The following ADAMTS16 variants were observed in gnomAD, a reference collection of about 807,000 sequenced individuals.
ADAMTS16 encodes the protein ADAM metallopeptidase with thrombospondin type 1 motif 16.
In ADAMTS16, 94 loss-of-function variants were observed where a neutral mutation model predicts 145.8. That is an observed-to-expected ratio of 0.64 (90% CI 0.55 to 0.77). ADAMTS16 has a LOEUF of 0.77. Among genes scored for constraint, ADAMTS16 ranks in the 30% least tolerant of loss-of-function variants. The pLI is 0.00. For missense variants in ADAMTS16, 1,585 were observed against 1,591.5 expected (o/e 1.00, Z 0.07); for synonymous variants, 659 against 604.3 (o/e 1.09, Z -1.33).
intron 3 of ADAMTS16, among the ~76,000 whole-genome samples, chr5:5,170,646 G>A (rs1735019604): frequency 6.6e-6 from 1 of 152,114 alleles, no homozygotes; most frequent in Non-Finnish European, 1.5e-5. Context: ...CCAAAGTGCT[G>A]GGATTACAAG....
intron 3 of ADAMTS16, among the ~76,000 whole-genome samples, chr5:5,162,698 G>A (rs1335882360): frequency 1.3e-5 from 2 of 151,908 alleles, no homozygotes; most frequent in South Asian, 4.2e-4. Flanking sequence ...ATGATTATAT[G>A]ATTGAGTGAT....
At chr5:5,312,698 T>C (rs1014878932) in intron 21 of ADAMTS16, among the ~76,000 whole-genome samples, 6 of 152,214 alleles carry the variant, frequency 3.9e-5, no homozygotes, top group Admixed American at 1.3e-4. Context: ...GAGAAGTGGA[T>C]TCGCCCACTT....
At chr5:5,166,167 AT>A (rs1456784531) in intron 3 of ADAMTS16, among the ~76,000 whole-genome samples, 1 of 151,960 alleles carries the variant, frequency 6.6e-6, no homozygotes, top group East Asian at 1.9e-4. Context: ...ATAGTTATGG[AT>A]TTATCCTCTA....
At chr5:5,245,494 C>A (rs1386418512) in intron 17 of ADAMTS16, among the ~76,000 whole-genome samples, 1 of 152,160 alleles carries the variant, frequency 6.6e-6, no homozygotes, top group Admixed American at 6.5e-5. Context: ...CTCTTATCTG[C>A]ATATTGTATA....
intron 3 of ADAMTS16, among the ~76,000 whole-genome samples, chr5:5,175,609 G>T (rs1291571862): frequency 6.6e-6 from 1 of 152,180 alleles, no homozygotes; most frequent in Non-Finnish European, 1.5e-5. Flanking sequence ...GGCCTAGACT[G>T]CCTTTCAGGT....
chr5:5,140,429 G>A lies in ADAMTS16; in HGVS notation c.-39G>A. 1 of 1,488,724 alleles carries A rather than the reference G, an allele frequency of 6.7e-7. No individual in the cohort carries two copies. The highest frequency in any genetic ancestry group is 8.9e-7 in the Non-Finnish European group (1 of 1,127,196). 92.2% of individuals were successfully genotyped at this position (1,488,724 alleles called of 1,614,324 possible). ...GCCCGCTCGCACGCTGCCGGCCGGG[G>A]ACCCTCCGGTGGCCCCTAGCCCCTC... On this transcript the variant is annotated 5_prime_UTR_variant, in exon 1 of 23. Coordinates refer to ENST00000274181, the MANE Select transcript of ADAMTS16 (RefSeq NM_139056.4).
intron 3 of ADAMTS16, among the ~76,000 whole-genome samples, chr5:5,163,851 T>G (rs1734798830): frequency 6.6e-6 from 1 of 152,194 alleles, no homozygotes; most frequent in South Asian, 2.1e-4. Context: ...AACACCATGC[T>G]TTCCTGCAGA....
At chr5:5,158,357 T>C (rs1317322225) in intron 3 of ADAMTS16, among the ~76,000 whole-genome samples, 4 of 152,088 alleles carry the variant, frequency 2.6e-5, no homozygotes, top group Admixed American at 1.3e-4. Flanking sequence ...GATGAATAAG[T>C]TGATGGATGG....
chr5:5,189,232 G>A (rs569311195), intron 6 of ADAMTS16, among the ~76,000 whole-genome samples: 1 of 152,270 alleles, frequency 6.6e-6, no homozygotes, highest in South Asian at 2.1e-4. Flanking sequence ...AGAGCATGCC[G>A]GTGAATAAGG....
At chr5:5,268,841 A>C (rs1738357363) in intron 18 of ADAMTS16, among the ~76,000 whole-genome samples, 1 of 152,126 alleles carries the variant, frequency 6.6e-6, no homozygotes, top group Non-Finnish European at 1.5e-5. Flanking sequence ...GCAGCCCCTC[A>C]GGCAGGGGTC....
At chr5:5,238,595 T>C (rs970736286) in intron 14 of ADAMTS16, among the ~76,000 whole-genome samples, 1 of 152,318 alleles carries the variant, frequency 6.6e-6, no homozygotes, top group Middle Eastern at 3.4e-3. Context: ...AATGGATTTT[T>C]TTTGTACATA....
chr5:5,306,641 C>G lies in ADAMTS16; in HGVS notation c.3324C>G (p.Ala1108=). The G allele has an allele frequency of 1.2e-6, 2 of 1,614,170 alleles. No individual in the cohort carries two copies. The highest frequency in any genetic ancestry group is 1.7e-6 in the Non-Finnish European group (2 of 1,180,034). ...AGCCCAGCCTGGAGCTGGAACGTGC[C>G]TGCGCCCCGCTTCCATGCCCCAGGC... The part of the protein sequence containing the change: ...LPKPSLELER[A]CAPLPCPRHP... Residue 1108 remains alanine (A), a synonymous_variant, in exon 21 of 23, where the codon GCC becomes GCG. Transcript: ENST00000274181.
chr5:5,295,273 T>G (rs1376105148), intron 18 of ADAMTS16, among the ~76,000 whole-genome samples: 1 of 152,240 alleles, frequency 6.6e-6, no homozygotes, highest in Non-Finnish European at 1.5e-5. Context: ...TATTTTACTT[T>G]TGTCTCAGCC....
At chr5:5,291,846 A>T (rs1331103771) in intron 18 of ADAMTS16, among the ~76,000 whole-genome samples, 1 of 152,202 alleles carries the variant, frequency 6.6e-6, no homozygotes. Context: ...CAGGTACATT[A>T]TGGTGAGCCC....
chr5:5,225,463 C>T (rs1387137779), intron 11 of ADAMTS16, among the ~76,000 whole-genome samples: 4 of 152,052 alleles, frequency 2.6e-5, no homozygotes, highest in African/African-American at 4.8e-5. Flanking sequence ...CTTAGCTGGG[C>T]GTTGTGGCGC....
chr5:5,189,031 G>C (rs1047465739), intron 6 of ADAMTS16, among the ~76,000 whole-genome samples: 2 of 152,206 alleles, frequency 1.3e-5, no homozygotes, highest in Non-Finnish European at 2.9e-5. Flanking sequence ...CCCCGTGTTT[G>C]TGTGTAGCAT....
At chr5:5,193,391 T>C (rs1735719057) in intron 8 of ADAMTS16, among the ~76,000 whole-genome samples, 1 of 152,210 alleles carries the variant, frequency 6.6e-6, no homozygotes, top group African/African-American at 2.4e-5. Flanking sequence ...AGTTGAATCA[T>C]AGTTGTATTT....
At chr5:5,198,310 T>G (rs187687616) in intron 8 of ADAMTS16, among the ~76,000 whole-genome samples, 1 of 152,352 alleles carries the variant, frequency 6.6e-6, no homozygotes, top group Non-Finnish European at 1.5e-5. Context: ...GCCATGTGGT[T>G]ACCCTGGCCT....
intron 3 of ADAMTS16, among the ~76,000 whole-genome samples, chr5:5,171,783 C>T (rs1735048035): frequency 6.6e-6 from 1 of 152,058 alleles, no homozygotes; most frequent in Non-Finnish European, 1.5e-5. Flanking sequence ...ATACTGACCT[C>T]ATAGGATGAG....
Sources: gnomAD v4.1 joint callset for allele counts (sites outside exome capture counted in the v4.1 genomes callset) on GRCh38, gnomAD v4.1.1 for gene constraint, MANE v1.5 for transcripts, NCBI Gene and HGNC (gene_info 2026-07-23, HGNC 2026-07-21) for gene names.